CRTAC1: variants seen among roughly 807,000 people sequenced by gnomAD.
The protein encoded by CRTAC1 is acidic secreted protein in cartilage.
In CRTAC1, 37 loss-of-function variants were observed where a neutral mutation model predicts 67.8. The observed-to-expected ratio is 0.55, with a 90% CI of 0.42 to 0.72. CRTAC1 has a LOEUF of 0.72. Ranked by LOEUF, CRTAC1 falls within the 30% of genes least tolerant of loss-of-function variation. The pLI is 0.00. For missense variants in CRTAC1, 780 were observed against 931.6 expected (o/e 0.84, Z 2.12); for synonymous variants, 348 against 371.0 (o/e 0.94, Z 0.71).
rs149673098 is a variant in CRTAC1 at position 97,958,426 on chromosome 10, C to T, written c.225-22060G>A. Among the ~76,000 whole-genome samples the T allele has an allele frequency of 2.8e-3, 428 of 152,298 alleles. 3 individuals carry two copies. The highest frequency in any genetic ancestry group is 9.7e-3 in the African/African-American group (403 of 41,560). On this transcript the variant is annotated intron_variant, in intron 2 of 14. Coordinates refer to ENST00000370597, the MANE Select transcript of CRTAC1 (RefSeq NM_018058.7). ...CATCTCTCACTGCCCTGACCCATACCCTAAGCCATACTTGTAGAGCTAGTG... is the reference window on the plus strand; with the variant it reads ...CATCTCTCACTGCCCTGACCCATACTCTAAGCCATACTTGTAGAGCTAGTG...
At chr10:97,988,436 T>C (rs769941201) in intron 2 of CRTAC1, among the ~76,000 whole-genome samples, 4 of 152,198 alleles carry the variant, frequency 2.6e-5, no homozygotes, top group African/African-American at 7.2e-5. Context: ...GAAATTATGA[T>C]GGTGGCTGGG....
In CRTAC1 at chr10:97,913,896, C is replaced by A. The variant is rs887063193; in HGVS notation, c.715+3604G>T. 1.3e-5 allele frequency among the ~76,000 whole-genome samples: 2 copies of A among 152,250 alleles called. 1 individual carries two copies. Among genetic ancestry groups the A allele is most frequent in the South Asian group, 4.1e-4 (2 of 4,838 alleles). On this transcript the variant is annotated intron_variant, in intron 5 of 14. Coordinates refer to ENST00000370597, the MANE Select transcript of CRTAC1 (RefSeq NM_018058.7). ...CAGAAGGCCTCAGCTGGGCTTTAGG[C>A]ATCTCCGTCTCCTTCAATAATGACT...
intron 2 of CRTAC1, among the ~76,000 whole-genome samples, chr10:97,937,230 C>T (rs558761841): frequency 1.3e-5 from 2 of 152,212 alleles, no homozygotes; most frequent in African/African-American, 2.4e-5. Flanking sequence ...AGGGACTTTG[C>T]ACTTGCTGTT....
At chr10:97,884,436 T>C (rs541580930) in intron 11 of CRTAC1, 85 bp from the exon 12 acceptor site, 17 of 1,269,960 alleles carry the variant, frequency 1.3e-5, no homozygotes, top group Non-Finnish European at 1.9e-5. Context: ...AATTCATCCA[T>C]TGAATAAAAG....
intron 3 of CRTAC1, among the ~76,000 whole-genome samples, chr10:97,934,335 A>G (rs2051048799): frequency 1.3e-5 from 2 of 152,176 alleles, no homozygotes; most frequent in South Asian, 4.1e-4. Flanking sequence ...ATGCCCTGAT[A>G]TTTGTGTAGG....
chr10:97,919,640 T>C (rs2050807581), intron 4 of CRTAC1, among the ~76,000 whole-genome samples: 1 of 152,114 alleles, frequency 6.6e-6, no homozygotes. Flanking sequence ...ACCTCTGGGA[T>C]CATGTTTGAA....
chr10:98,008,698 A>C (rs1842847239), intron 2 of CRTAC1, among the ~76,000 whole-genome samples: 1 of 152,162 alleles, frequency 6.6e-6, no homozygotes, highest in African/African-American at 2.4e-5. Flanking sequence ...TTCTGTTCAT[A>C]TCTCAGGTCT....
chr10:97,925,044 A>ATCACTTGAG (rs1210830870), intron 3 of CRTAC1, among the ~76,000 whole-genome samples: 1 of 152,128 alleles, frequency 6.6e-6, no homozygotes, highest in African/African-American at 2.4e-5. Flanking sequence ...AGGCGGGCAG[A>ATCACTTGAG]TCACTTGAGC....
intron 2 of CRTAC1, among the ~76,000 whole-genome samples, chr10:97,973,256 T>TGAA (rs1590252664): frequency 6.6e-6 from 1 of 152,232 alleles, no homozygotes; most frequent in Non-Finnish European, 1.5e-5. Flanking sequence ...CCAGCCACTG[T>TGAA]GCCCTCTGAG....
chr10:97,909,866 T>C (rs1452140561), intron 5 of CRTAC1, among the ~76,000 whole-genome samples: 3 of 152,198 alleles, frequency 2.0e-5, no homozygotes, highest in Non-Finnish European at 4.4e-5. Flanking sequence ...TAATAGAGTA[T>C]TACTCAGCCT....
At chr10:98,012,155 G>A (rs1842922485) in intron 1 of CRTAC1, among the ~76,000 whole-genome samples, 1 of 152,116 alleles carries the variant, frequency 6.6e-6, no homozygotes, top group African/African-American at 2.4e-5. Context: ...TTGCGTGCGT[G>A]TTTTATTATA....
intron 13 of CRTAC1, among the ~76,000 whole-genome samples, chr10:97,881,688 A>G (rs1444020038): frequency 3.9e-5 from 6 of 152,074 alleles, no homozygotes; most frequent in African/African-American, 9.7e-5. Flanking sequence ...CACCTGCACT[A>G]TGTGTTTGGA....
At chr10:97,988,626 A>T (rs1372009162) in intron 2 of CRTAC1, among the ~76,000 whole-genome samples, 1 of 152,218 alleles carries the variant, frequency 6.6e-6, no homozygotes, top group East Asian at 1.9e-4. Context: ...AGGCTGAGGC[A>T]AGAGAATTGC....
At position 97,865,405 on chromosome 10, in the gene CRTAC1, TG is replaced by T; in HGVS notation, c.*142del. 1.0e-6 allele frequency: 1 copy of T among 1,003,090 alleles called. No individual in the cohort carries two copies. Among genetic ancestry groups the T allele is most frequent in the Admixed American group, 2.9e-5 (1 of 34,590 alleles). The allele number at this position is 1,003,090 out of a possible 1,614,324, so 62.1% of individuals were successfully genotyped here. On this transcript the variant is annotated 3_prime_UTR_variant, in exon 15 of 15. Transcript: ENST00000370597. ...GCCTGGCCTTACGAGTCTCCCTAAT[TG>T]TTAGCTAAGTAATGTGCATGGATGG...
chr10:97,952,373 T>A (rs150111313), intron 2 of CRTAC1, among the ~76,000 whole-genome samples: 2,404 of 144,260 alleles, frequency 0.017, 75 homozygotes, highest in African/African-American at 0.058. Flanking sequence ...AATAAATAAA[T>A]AAATAAATAA....
chr10:98,021,619 C>T (rs1434570802), intron 1 of CRTAC1, among the ~76,000 whole-genome samples: 2 of 152,180 alleles, frequency 1.3e-5, no homozygotes, highest in African/African-American at 4.8e-5. Flanking sequence ...AAGTGCTGAG[C>T]ATAATGCCTG....
intron 3 of CRTAC1, among the ~76,000 whole-genome samples, chr10:97,934,357 T>C (rs2051049275): frequency 6.6e-6 from 1 of 152,096 alleles, no homozygotes; most frequent in Non-Finnish European, 1.5e-5. Context: ...ATAATTACTA[T>C]CTCTCAGGCC....
chr10:97,947,683 G>A (rs1165419564), intron 2 of CRTAC1, among the ~76,000 whole-genome samples: 2 of 152,210 alleles, frequency 1.3e-5, no homozygotes, highest in Non-Finnish European at 2.9e-5. Flanking sequence ...TTTAATTGGG[G>A]GAACTTAAAG....
Position 97,876,173 on chromosome 10 carries a change from G to A in CRTAC1, c.1819+4076C>T, listed in dbSNP as rs140295005. ...CAATTCACCATCCCAAATGAAGAAG[G>A]GAGTGGTAGTTGAGAGTGCCAGCTG... On this transcript the variant is annotated intron_variant, in intron 14 of 14. Transcript: ENST00000370597. 8.3e-3 allele frequency among the ~76,000 whole-genome samples: 1,267 copies of A among 152,296 alleles called. 21 individuals are homozygous for A. Among genetic ancestry groups the A allele is most frequent in the African/African-American group, 0.029 (1,199 of 41,528 alleles).
Sources: gnomAD v4.1 joint callset for allele counts (sites outside exome capture counted in the v4.1 genomes callset) on GRCh38, gnomAD v4.1.1 for gene constraint, MANE v1.5 for transcripts, NCBI Gene and HGNC (gene_info 2026-07-23, HGNC 2026-07-21) for gene names.